LRRC4C: variants seen among roughly 807,000 people sequenced by gnomAD.
LRRC4C encodes leucine-rich repeat-containing protein 4C.
In LRRC4C, 5 loss-of-function variants were observed where a neutral mutation model predicts 33.6. The ratio of observed to expected loss-of-function variants is 0.15; its 90% CI spans 0.08 to 0.31. The LOEUF is 0.31. Ranked by LOEUF, LRRC4C falls within the 10% of genes least tolerant of loss-of-function variation. The pLI is 1.00. For synonymous variants in LRRC4C, 329 were observed against 302.0 expected, an observed-to-expected ratio of 1.09 and a Z score of -0.93; for missense variants, 560 against 796.7, an observed-to-expected ratio of 0.70 and a Z score of 3.58.
intron 3 of LRRC4C, chr11:40,446,669 C>T (rs1409470469): frequency 6.6e-6 from 1 of 152,160 alleles, no homozygotes; most frequent in African/African-American, 2.4e-5. Flanking sequence ...CATAGTTCTA[C>T]ATGGCTGGGA....
chr11:41,244,651 C>A (rs1415078891), intron 1 of LRRC4C, among the ~76,000 whole-genome samples: 9 of 152,204 alleles, frequency 5.9e-5, no homozygotes, highest in Non-Finnish European at 7.4e-5. Flanking sequence ...ATAGATTTGG[C>A]ATTTTTAGCT....
At position 40,423,005 on chromosome 11, in the gene LRRC4C, TA is replaced by T. The variant is rs943965057; in HGVS notation, c.-269-103285del. Among the ~76,000 whole-genome samples the T allele has an allele frequency of 2.6e-5, 4 of 152,290 alleles. 1 individual carries two copies. Among genetic ancestry groups the T allele is most frequent in the African/African-American group, 9.6e-5 (4 of 41,570 alleles). ...CATTAAAAACTCATCACTTTGTAAT[TA>T]ATACGTTTTACTATTACCTATGTCT... On this transcript the variant is annotated intron_variant, in intron 3 of 6. Coordinates refer to ENST00000528697, the MANE Select transcript of LRRC4C (RefSeq NM_001258419.2).
intron 1 of LRRC4C, among the ~76,000 whole-genome samples, chr11:41,094,896 A>T (rs1940707729): frequency 6.6e-6 from 1 of 152,174 alleles, no homozygotes; most frequent in South Asian, 2.1e-4. Context: ...CTGTCTAAAA[A>T]GGTAGAGCTT....
intron 3 of LRRC4C, among the ~76,000 whole-genome samples, chr11:40,485,720 G>A (rs1012367998): frequency 6.6e-6 from 1 of 151,892 alleles, no homozygotes; most frequent in Non-Finnish European, 1.5e-5. Context: ...GTTCATTGCA[G>A]CACTATTCAC....
chr11:41,029,165 T>C (rs929056486), intron 1 of LRRC4C, among the ~76,000 whole-genome samples: 5 of 151,728 alleles, frequency 3.3e-5, no homozygotes, highest in African/African-American at 1.2e-4. Flanking sequence ...ACATTACGAT[T>C]GAATAGATGT....
intron 3 of LRRC4C, among the ~76,000 whole-genome samples, chr11:40,447,630 T>C (rs1951697754): frequency 6.6e-6 from 1 of 152,198 alleles, no homozygotes; most frequent in Non-Finnish European, 1.5e-5. Flanking sequence ...AAGAAAATTA[T>C]GTTGTTGAAA....
At chr11:40,541,782 T>A (rs78080188) in intron 3 of LRRC4C, among the ~76,000 whole-genome samples, 3,337 of 152,242 alleles carry the variant, frequency 0.022, 136 homozygotes, top group African/African-American at 0.076. Context: ...CTTGATGTTT[T>A]CCCTTTGATA....
At chr11:40,207,254 C>G (rs2861832) in intron 5 of LRRC4C, among the ~76,000 whole-genome samples, 84,638 of 151,898 alleles carry the variant, frequency 0.56, 23,898 homozygotes, top group Admixed American at 0.63. Context: ...AACACAGTTA[C>G]AGCTGCTTTC....
intron 5 of LRRC4C, among the ~76,000 whole-genome samples, chr11:40,175,128 G>A (rs1022812640): frequency 7.9e-5 from 12 of 152,210 alleles, no homozygotes; most frequent in African/African-American, 2.9e-4. Flanking sequence ...TCTTGTCTAT[G>A]TTGAGTACTA....
At chr11:41,034,607 G>GTATATATATATA (rs59350888) in intron 1 of LRRC4C, among the ~76,000 whole-genome samples, 69 of 97,072 alleles carry the variant, frequency 7.1e-4, no homozygotes, top group South Asian at 1.9e-3. Flanking sequence ...ATATGGTGAC[G>GTATATATATATA]TATATATATA....
chr11:40,366,276 T>C (rs140666052), intron 3 of LRRC4C, among the ~76,000 whole-genome samples: 1,635 of 152,202 alleles, frequency 0.011, 19 homozygotes, highest in African/African-American at 0.037. Flanking sequence ...TATTCATATT[T>C]AACTCAGAAT....
At chr11:41,258,098 A>C (rs556430453) in intron 1 of LRRC4C, among the ~76,000 whole-genome samples, 1 of 151,996 alleles carries the variant, frequency 6.6e-6, no homozygotes, top group African/African-American at 2.4e-5. Context: ...AAAAAGAATA[A>C]GAGGAACCCG....
intron 1 of LRRC4C, among the ~76,000 whole-genome samples, chr11:41,060,342 C>T (rs917573314): frequency 6.6e-6 from 1 of 152,186 alleles, no homozygotes; most frequent in African/African-American, 2.4e-5. Flanking sequence ...TATTAGTCTG[C>T]TTTGGCTGCT....
chr11:40,920,398 T>A (rs2136352392), intron 2 of LRRC4C, among the ~76,000 whole-genome samples: 1 of 152,308 alleles, frequency 6.6e-6, no homozygotes, highest in Non-Finnish European at 1.5e-5. Context: ...AAAAGCATTT[T>A]AATTTATAAC....
intron 2 of LRRC4C, among the ~76,000 whole-genome samples, chr11:40,657,739 G>A (rs965439300): frequency 2.6e-5 from 4 of 152,058 alleles, no homozygotes; most frequent in Admixed American, 6.5e-5. Flanking sequence ...ACTGTGCCCC[G>A]ACCACCTTGG....
chr11:41,366,674 A>T (rs898337218), intron 1 of LRRC4C, among the ~76,000 whole-genome samples: 34 of 152,110 alleles, frequency 2.2e-4, no homozygotes, highest in African/African-American at 8.2e-4. Context: ...GTCTTTAAGG[A>T]AGTAATTAAG....
At chr11:40,547,235 A>T (rs1272246588) in intron 3 of LRRC4C, among the ~76,000 whole-genome samples, 2 of 152,086 alleles carry the variant, frequency 1.3e-5, no homozygotes, top group Non-Finnish European at 2.9e-5. Flanking sequence ...CACCTTTATG[A>T]GCTTCATTTG....
At chr11:41,353,017 T>C (rs1173839654) in intron 1 of LRRC4C, among the ~76,000 whole-genome samples, 1 of 151,856 alleles carries the variant, frequency 6.6e-6, no homozygotes, top group East Asian at 1.9e-4. Context: ...TCAGCAGAAA[T>C]ACTCAAAATC....
Position 40,828,152 on chromosome 11 carries a change from T to TACACACAC in LRRC4C, c.-407+105475_-407+105482dup, listed in dbSNP as rs57515808. 5.8e-3 allele frequency among the ~76,000 whole-genome samples: 858 copies of TACACACAC among 146,924 alleles called. 4 individuals are homozygous for TACACACAC. Among genetic ancestry groups the TACACACAC allele is most frequent in the East Asian group, 0.02 (101 of 4,982 alleles). The stretch of plus-strand genomic sequence containing the variant: ...CCTTTATTTTGTATGTATACAAACA[T>TACACACAC]ACACACACACACACACACACACACA... On this transcript the variant is annotated intron_variant, in intron 2 of 6. Transcript: ENST00000528697.
Sources: allele counts gnomAD v4.1 joint callset (sites outside exome capture counted in the v4.1 genomes callset), GRCh38; gene constraint gnomAD v4.1.1; transcripts MANE v1.5; gene names NCBI Gene and HGNC (gene_info 2026-07-23, HGNC 2026-07-21).